Variants in STX18 observed in about 807,000 individuals in gnomAD.
STX18 encodes syntaxin-18.
Under a neutral mutation model 50.1 loss-of-function variants are expected in STX18, and 40 were observed. The observed-to-expected ratio is 0.80, with a 90% CI of 0.62 to 1.04. The LOEUF is 1.04. Ranked by LOEUF, STX18 falls within the 50% of genes least tolerant of loss-of-function variation. The pLI, the probability that STX18 is intolerant of heterozygous loss-of-function variation, is 0.00. For synonymous variants in STX18, 158 were observed against 151.8 expected (o/e 1.04, Z -0.30); for missense variants, 410 against 415.8 (o/e 0.99, Z 0.12).
chr4:4,460,135 TG>T (rs1247200376), intron 2 of STX18, among the ~76,000 whole-genome samples: 1 of 152,188 alleles, frequency 6.6e-6, no homozygotes, highest in African/African-American at 2.4e-5. Flanking sequence ...CCATATATTT[TG>T]TGTAATTATT....
At chr4:4,495,811 TCAAA>T (rs1444344302) in intron 1 of STX18, among the ~76,000 whole-genome samples, 2 of 152,108 alleles carry the variant, frequency 1.3e-5, no homozygotes, top group Non-Finnish European at 1.5e-5. Context: ...TTGAGTAAAC[TCAAA>T]CAAGTTTTTA....
intron 1 of STX18, among the ~76,000 whole-genome samples, chr4:4,497,461 A>G (rs537882500): frequency 6.6e-6 from 1 of 152,358 alleles, no homozygotes; most frequent in African/African-American, 2.4e-5. Context: ...CTAAATGTCT[A>G]TTCACTCATT....
At chr4:4,425,271 A>G in intron 7 of STX18, 49 bp from the exon 8 acceptor site, 2 of 1,544,802 alleles carry the variant, frequency 1.3e-6, no homozygotes, top group Non-Finnish European at 1.8e-6. Flanking sequence ...GAACTTAGGC[A>G]AGAGTCTAGC....
At chr4:4,492,179 T>C (rs2108865593) in intron 1 of STX18, among the ~76,000 whole-genome samples, 1 of 152,250 alleles carries the variant, frequency 6.6e-6, no homozygotes, top group African/African-American at 2.4e-5. Context: ...ATATCCCTAG[T>C]AACCATAGAA....
At chr4:4,475,063 C>T (rs748211041) in intron 1 of STX18, among the ~76,000 whole-genome samples, 59 of 152,138 alleles carry the variant, frequency 3.9e-4, no homozygotes, top group Non-Finnish European at 7.3e-5. Context: ...GATCCAGCTG[C>T]CCACCCCTAC....
At chr4:4,511,837 G>C (rs1252222798) in intron 1 of STX18, among the ~76,000 whole-genome samples, 1 of 150,516 alleles carries the variant, frequency 6.6e-6, no homozygotes, top group Non-Finnish European at 1.5e-5. Flanking sequence ...GAGGAGATTT[G>C]AAAAATACTA....
At position 4,478,224 on chromosome 4, in the gene STX18, CA is replaced by C. The variant is rs71638565; in HGVS notation, c.169-6519del. Among the ~76,000 whole-genome samples the C allele has an allele frequency of 7.1e-3, 782 of 110,826 alleles. 4 individuals carry two copies. The highest frequency in any genetic ancestry group is 0.011 in the Non-Finnish European group (594 of 56,040). The allele number at this position is 110,826 out of a possible 152,430, so 72.7% of individuals were successfully genotyped here. A position where few individuals can be genotyped will look rare whatever the true frequency, so the allele number is the denominator to read the frequency against. ...ACTACACTGGATACAGAAAGATCGG[CA>C]AAAAAAAAAAACAAAAACGTTTTCA... On this transcript the variant is annotated intron_variant, in intron 1 of 10. Coordinates refer to ENST00000306200, the MANE Select transcript of STX18 (RefSeq NM_016930.4).
chr4:4,443,326 A>G (rs1726218389), intron 5 of STX18, among the ~76,000 whole-genome samples: 1 of 152,250 alleles, frequency 6.6e-6, no homozygotes, highest in Non-Finnish European at 1.5e-5. Flanking sequence ...TGGAGCTGTA[A>G]AATAGAATGT....
Position 4,507,669 on chromosome 4 carries a change from G to A in STX18, c.168+34128C>T, listed in dbSNP as rs903793584. Reference sequence around the variant, plus strand: ...GATGGCAGCCGGCTCATAAAGGTTCGTTTGGACAAAGCCCAGCAGAACAAC... The same window carrying A: ...GATGGCAGCCGGCTCATAAAGGTTCATTTGGACAAAGCCCAGCAGAACAAC... On this transcript the variant is annotated intron_variant, in intron 1 of 10. Coordinates refer to ENST00000306200, the MANE Select transcript of STX18 (RefSeq NM_016930.4). 2.2e-5 allele frequency: 18 copies of A among 814,952 alleles called. 1 individual carries two copies. Among genetic ancestry groups the A allele is most frequent in the African/African-American group, 1.3e-4 (8 of 59,616 alleles). The allele number at this position is 814,952 out of a possible 1,614,324, so 50.5% of individuals were successfully genotyped here.
intron 1 of STX18, among the ~76,000 whole-genome samples, chr4:4,522,788 C>G (rs1398058141): frequency 6.6e-6 from 1 of 152,174 alleles, no homozygotes; most frequent in African/African-American, 2.4e-5. Flanking sequence ...AGCAAATAAT[C>G]TGGAAAACCT....
rs775390555 is a variant in STX18, at chr4:4,471,631, G to A, written c.236+8C>T. The A allele has an allele frequency of 6.5e-7, 1 of 1,544,316 alleles. No homozygotes were observed. Among genetic ancestry groups the A allele is most frequent in the Non-Finnish European group, 8.7e-7 (1 of 1,149,194 alleles). Reference sequence around the variant, plus strand: ...CACCAAAGTCCTGGTAAAAAAATATGTACTTACCTATAAGCATTAATATAA... The same window carrying A: ...CACCAAAGTCCTGGTAAAAAAATATATACTTACCTATAAGCATTAATATAA... On this transcript the variant is annotated splice_region_variant and intron_variant, in intron 2 of 10. Coordinates refer to ENST00000306200, the MANE Select transcript of STX18 (RefSeq NM_016930.4).
At chr4:4,439,497 T>C (rs62289808) in intron 5 of STX18, among the ~76,000 whole-genome samples, 6,980 of 126,778 alleles carry the variant, frequency 0.055, 277 homozygotes, top group African/African-American at 0.12. Flanking sequence ...CACACACTCA[T>C]ATATACCCCC....
chr4:4,464,627 AC>A (rs1727532581), intron 2 of STX18, among the ~76,000 whole-genome samples: 1 of 152,120 alleles, frequency 6.6e-6, no homozygotes, highest in African/African-American at 2.4e-5. Flanking sequence ...CTCAAAAGCT[AC>A]CTGTTTGCAG....
intron 1 of STX18, among the ~76,000 whole-genome samples, chr4:4,484,092 G>A (rs939020724): frequency 9.2e-5 from 14 of 152,108 alleles, no homozygotes; most frequent in African/African-American, 3.4e-4. Flanking sequence ...TTGATCTCCT[G>A]ACCTCGTGAT....
At chr4:4,446,381 A>G (rs1455326398) in intron 5 of STX18, among the ~76,000 whole-genome samples, 1 of 152,240 alleles carries the variant, frequency 6.6e-6, no homozygotes, top group Non-Finnish European at 1.5e-5. Context: ...AAATAAATAA[A>G]CCACAGAATA....
chr4:4,493,389 C>T (rs1349947730), intron 1 of STX18, among the ~76,000 whole-genome samples: 1 of 148,978 alleles, frequency 6.7e-6, no homozygotes, highest in African/African-American at 2.5e-5. Context: ...TAATGAGTTG[C>T]AGAAAGAGAC....
intron 1 of STX18, among the ~76,000 whole-genome samples, chr4:4,531,588 C>T (rs1158007675): frequency 6.6e-6 from 1 of 152,142 alleles, no homozygotes; most frequent in African/African-American, 2.4e-5. Context: ...AGTAAGAAGC[C>T]CCCACTGGCC....
chr4:4,471,727 C>T (rs1471917955), intron 1 of STX18, 21 bp from the exon 2 acceptor site: 1 of 1,536,508 alleles, frequency 6.5e-7, no homozygotes, highest in East Asian at 2.3e-5. Flanking sequence ...AAAAGAAAGC[C>T]AACAGTTTAT....
chr4:4,507,303 G>C lies in STX18; in HGVS notation c.168+34494C>G, dbSNP rs183541794. The C allele has an allele frequency of 5.4e-4, 391 of 722,748 alleles. 1 individual carries two copies. The Admixed American group carries it at 6.8e-3, about 13-fold the overall frequency. 44.8% of individuals were successfully genotyped at this position (722,748 alleles called of 1,614,324 possible). On this transcript the variant is annotated intron_variant, in intron 1 of 10. Coordinates refer to ENST00000306200, the MANE Select transcript of STX18 (RefSeq NM_016930.4). The stretch of plus-strand genomic sequence containing the variant: ...CTCTTCTGGAGCTGGAAAAGAACTC[G>C]GACCTCAAGGCTCAGCTCACAGAGC...
Sources: allele counts gnomAD v4.1 joint callset (sites outside exome capture counted in the v4.1 genomes callset), GRCh38; gene constraint gnomAD v4.1.1; transcripts MANE v1.5; gene names NCBI Gene and HGNC (gene_info 2026-07-23, HGNC 2026-07-21).